PROS1: variants seen among roughly 807,000 people sequenced by gnomAD.
The protein encoded by PROS1 is protein S.
In PROS1, 29 loss-of-function variants were observed where a neutral mutation model predicts 75.9. The observed-to-expected ratio is 0.38, with a 90% CI of 0.28 to 0.52. The LOEUF is 0.52. Among genes scored for constraint, PROS1 ranks in the 20% least tolerant of loss-of-function variants. The probability of loss-of-function intolerance (pLI) is 0.83; values close to 1 mark genes in which losing one functional copy is unlikely to be tolerated. For synonymous variants in PROS1, 245 were observed against 280.6 expected, an observed-to-expected ratio of 0.87 and a Z score of 1.27; for missense variants, 680 against 810.3, an observed-to-expected ratio of 0.84 and a Z score of 1.95.
intron 1 of PROS1, among the ~76,000 whole-genome samples, chr3:93,961,456 C>A (rs1434958606): frequency 6.6e-6 from 1 of 152,174 alleles, no homozygotes; most frequent in African/African-American, 2.4e-5. Flanking sequence ...GGGCCTCAAT[C>A]CTACACTTGT....
intron 7 of PROS1, 88 bp from the exon 8 acceptor site, chr3:93,898,657 G>C: frequency 2.1e-6 from 3 of 1,455,164 alleles, no homozygotes; most frequent in Non-Finnish European, 2.9e-6. Context: ...ATTGTAGTAT[G>C]ATATAATCAA....
chr3:93,963,562 T>C (rs1248827129), intron 1 of PROS1, among the ~76,000 whole-genome samples: 1 of 152,194 alleles, frequency 6.6e-6, no homozygotes, highest in African/African-American at 2.4e-5. Flanking sequence ...AGGAGTTTAA[T>C]AGGATCACCA....
intron 9 of PROS1, among the ~76,000 whole-genome samples, chr3:93,895,794 GTC>G (rs1277706578): frequency 1.3e-5 from 2 of 151,948 alleles, no homozygotes; most frequent in Non-Finnish European, 2.9e-5. Context: ...GTAAAACTCT[GTC>G]TCTACTAAAA....
chr3:93,883,304 T>C (rs1708298802), intron 12 of PROS1, among the ~76,000 whole-genome samples: 1 of 152,106 alleles, frequency 6.6e-6, no homozygotes, highest in South Asian at 2.1e-4. Flanking sequence ...GCTGCTATGA[T>C]GAAAAACTCT....
intron 1 of PROS1, among the ~76,000 whole-genome samples, chr3:93,938,557 C>T (rs1308480932): frequency 9.2e-5 from 14 of 152,162 alleles, no homozygotes; most frequent in African/African-American, 2.9e-4. Flanking sequence ...CCAACCAGCC[C>T]AAGGAACATC....
At chr3:93,891,991 G>T (rs186591007) in intron 10 of PROS1, among the ~76,000 whole-genome samples, 1 of 152,102 alleles carries the variant, frequency 6.6e-6, no homozygotes, top group African/African-American at 2.4e-5. Context: ...AAAAAATATT[G>T]TTGGCAATTG....
At chr3:93,973,517 T>C (rs1709913751) in intron 1 of PROS1, 157 bp downstream of exon 1, 1 of 736,624 alleles carries the variant, frequency 1.4e-6, no homozygotes, top group South Asian at 1.6e-5. Flanking sequence ...CACTGCCTGC[T>C]CTATCCACGG....
chr3:93,903,083 T>C (rs1256200798), intron 6 of PROS1, among the ~76,000 whole-genome samples: 1 of 152,078 alleles, frequency 6.6e-6, no homozygotes, highest in Non-Finnish European at 1.5e-5. Context: ...GCCAGGATGA[T>C]CTCGATCTCC....
intron 1 of PROS1, among the ~76,000 whole-genome samples, chr3:93,963,730 A>G (rs1490161744): frequency 6.6e-6 from 1 of 152,100 alleles, no homozygotes; most frequent in Non-Finnish European, 1.5e-5. Context: ...TTAAACAACC[A>G]GATCTCACGT....
intron 1 of PROS1, among the ~76,000 whole-genome samples, chr3:93,945,074 G>A (rs998327607): frequency 6.6e-6 from 1 of 152,050 alleles, no homozygotes; most frequent in Non-Finnish European, 1.5e-5. Flanking sequence ...TAGAAGAAAT[G>A]GATAAATTCT....
intron 1 of PROS1, among the ~76,000 whole-genome samples, chr3:93,953,807 T>C (rs1028701848): frequency 6.6e-6 from 1 of 152,202 alleles, no homozygotes; most frequent in Non-Finnish European, 1.5e-5. Context: ...GCAGATGACA[T>C]GACTGTATAT....
chr3:93,929,296 A>G (rs1265350470), intron 1 of PROS1, among the ~76,000 whole-genome samples: 1 of 152,082 alleles, frequency 6.6e-6, no homozygotes, highest in African/African-American at 2.4e-5. Context: ...TGGATGACAA[A>G]GAGAGACCCC....
chr3:93,927,256 C>G lies in PROS1; in HGVS notation c.228G>C (p.Pro76=). 6.2e-7 allele frequency: 1 copy of G among 1,612,270 alleles called. No homozygotes were observed. The highest frequency in any genetic ancestry group is 1.1e-5 in the South Asian group (1 of 91,002). The change falls in exon 2 of 15, where the codon CCG becomes CCC. Residue 76 remains proline (P), a synonymous_variant. Transcript: ENST00000394236. The stretch of plus-strand genomic sequence containing the variant: ...AGTTTCCATAAATGCTTACCGTTTC[C>G]GGGTCATTTTCAAAGACCTCCCTGG... The part of the protein sequence containing the change: ...EEAREVFEND[P]ETDYFYPKYL...
chr3:93,886,547 C>T (rs770139931), intron 10 of PROS1, 44 bp from the exon 11 acceptor site: 2 of 1,440,396 alleles, frequency 1.4e-6, no homozygotes, highest in Admixed American at 3.4e-5. Context: ...AGTATTACTA[C>T]ATGTCATTTG....
intron 2 of PROS1, 89 bp downstream of exon 2, chr3:93,927,161 A>G (rs1709030384): frequency 6.6e-7 from 1 of 1,517,642 alleles, no homozygotes; most frequent in African/African-American, 1.4e-5. Flanking sequence ...TGACTTTAAG[A>G]TGGAACAGAA....
chr3:93,896,820 A>T lies in PROS1; in HGVS notation c.850-129T>A, dbSNP rs937013620. On this transcript the variant is annotated intron_variant, in intron 8 of 14. Transcript: ENST00000394236. ...CATCTGTAATACACTAAAATAATTAAGAATATTTTTGGTAATAATAAATAC... is the reference window on the plus strand; with the variant it reads ...CATCTGTAATACACTAAAATAATTATGAATATTTTTGGTAATAATAAATAC... 5 of 678,670 alleles carry T rather than the reference A, an allele frequency of 7.4e-6. No individual in the cohort carries two copies. The African/African-American group carries it at 9.1e-5, about 12-fold the overall frequency. The allele number at this position is 678,670 out of a possible 1,614,324, so 42.0% of individuals were successfully genotyped here. A position where few individuals can be genotyped will look rare whatever the true frequency, so the allele number is the denominator to read the frequency against.
At chr3:93,916,010 T>C (rs1371706026) in intron 3 of PROS1, among the ~76,000 whole-genome samples, 1 of 152,148 alleles carries the variant, frequency 6.6e-6, no homozygotes, top group East Asian at 1.9e-4. Context: ...CAGTAATTTA[T>C]AAAGAAAAAA....
At chr3:93,923,749 A>C (rs1708977347) in intron 3 of PROS1, among the ~76,000 whole-genome samples, 1 of 151,958 alleles carries the variant, frequency 6.6e-6, no homozygotes, top group Admixed American at 6.6e-5. Flanking sequence ...AAAATACAAA[A>C]ATTAGCTGGG....
chr3:93,890,631 TAGAA>T (rs1258996435), intron 10 of PROS1, among the ~76,000 whole-genome samples: 4 of 152,118 alleles, frequency 2.6e-5, no homozygotes, highest in African/African-American at 7.2e-5. Flanking sequence ...TTATGGAAAA[TAGAA>T]AGACCCTACA....
Sources: gnomAD v4.1 joint callset for allele counts (sites outside exome capture counted in the v4.1 genomes callset) on GRCh38, gnomAD v4.1.1 for gene constraint, MANE v1.5 for transcripts, NCBI Gene and HGNC (gene_info 2026-07-23, HGNC 2026-07-21) for gene names.